Variants in ARHGEF10 observed in about 807,000 individuals in gnomAD.
ARHGEF10 encodes Rho guanine nucleotide exchange factor 10, also known as Rho guanine nucleotide exchange factor (GEF) 10.
A neutral mutation model predicts 147.4 loss-of-function variants in ARHGEF10; 140 were observed. The observed-to-expected ratio is 0.95, with a 90% confidence interval of 0.83 to 1.09. ARHGEF10 has a LOEUF of 1.09. Ranked by LOEUF, ARHGEF10 falls within the 50% of genes least tolerant of loss-of-function variation. The pLI is 0.00. For synonymous variants in ARHGEF10, 902 were observed against 695.8 expected (o/e 1.30, Z -4.67); for missense variants, 2,222 against 1,752.7 (o/e 1.27, Z -4.78).
intron 16 of ARHGEF10, among the ~76,000 whole-genome samples, chr8:1,905,021 C>G (rs1489774615): frequency 1.3e-5 from 2 of 152,072 alleles, no homozygotes; most frequent in African/African-American, 2.4e-5. Context: ...CCCAGCTACT[C>G]GAGAGGCTGA....
chr8:1,840,265 T>G (rs1359373342), intron 1 of ARHGEF10, among the ~76,000 whole-genome samples: 176 of 78,326 alleles, frequency 2.2e-3, no homozygotes, highest in Middle Eastern at 0.01. Context: ...CGGTGTGGAA[T>G]CTGTCCGGTG....
intron 8 of ARHGEF10, among the ~76,000 whole-genome samples, chr8:1,879,755 G>A (rs1319387218): frequency 3.3e-5 from 5 of 152,054 alleles, no homozygotes; most frequent in African/African-American, 7.2e-5. Flanking sequence ...GTTTCACCAC[G>A]TTGCCCAGGC....
intron 16 of ARHGEF10, chr8:1,904,190 G>A (rs375016608): frequency 2.6e-5 from 4 of 152,188 alleles, no homozygotes; most frequent in African/African-American, 7.2e-5. Flanking sequence ...CCCAGAAGGC[G>A]GCAGTTCATT....
intron 7 of ARHGEF10, 21 bp from the exon 8 acceptor site, chr8:1,876,550 T>G: frequency 1.9e-6 from 3 of 1,612,848 alleles, no homozygotes; most frequent in Non-Finnish European, 2.5e-6. Context: ...TTTAATTTCA[T>G]TTTGGAATTT....
At chr8:1,913,599 T>C (rs560020835) in intron 18 of ARHGEF10, among the ~76,000 whole-genome samples, 16 of 152,370 alleles carry the variant, frequency 1.1e-4, no homozygotes, top group Middle Eastern at 3.4e-3. Flanking sequence ...GACCAGCATC[T>C]ACCTGGTCCA....
intron 26 of ARHGEF10, among the ~76,000 whole-genome samples, chr8:1,942,451 G>A (rs1406324128): frequency 6.6e-6 from 1 of 151,802 alleles, no homozygotes; most frequent in Non-Finnish European, 1.5e-5. Context: ...AATGTTAGTG[G>A]AGCCAGCACG....
intron 1 of ARHGEF10, among the ~76,000 whole-genome samples, chr8:1,837,572 G>T (rs1291128290): frequency 1.3e-5 from 2 of 152,236 alleles, no homozygotes; most frequent in Non-Finnish European, 2.9e-5. Flanking sequence ...ATTCTCGGAA[G>T]ACACACAAAG....
At chr8:1,827,060 C>A (rs1275983458) in intron 1 of ARHGEF10, among the ~76,000 whole-genome samples, 1 of 152,184 alleles carries the variant, frequency 6.6e-6, no homozygotes, top group Non-Finnish European at 1.5e-5. Context: ...AGCAGGGGTC[C>A]TTGCCTGGGT....
chr8:1,831,885 C>A (rs1189625140), intron 1 of ARHGEF10, among the ~76,000 whole-genome samples: 1 of 152,204 alleles, frequency 6.6e-6, no homozygotes, highest in African/African-American at 2.4e-5. Flanking sequence ...GTCAGGAGTG[C>A]CCTGGAGGGT....
chr8:1,914,436 A>C (rs1156812331), intron 18 of ARHGEF10, among the ~76,000 whole-genome samples: 1 of 152,220 alleles, frequency 6.6e-6, no homozygotes, highest in Non-Finnish European at 1.5e-5. Flanking sequence ...TGCCCGATGC[A>C]CTGCATGGCC....
At chr8:1,878,865 G>T (rs1274904897) in intron 8 of ARHGEF10, among the ~76,000 whole-genome samples, 2 of 152,168 alleles carry the variant, frequency 1.3e-5, no homozygotes, top group South Asian at 2.1e-4. Flanking sequence ...CAGTGGGTTT[G>T]TGGTGCAGAA....
chr8:1,874,546 AATAGGGG>A (rs1807480299), intron 7 of ARHGEF10, among the ~76,000 whole-genome samples: 1 of 152,248 alleles, frequency 6.6e-6, no homozygotes, highest in Non-Finnish European at 1.5e-5. Flanking sequence ...GATGCGAGGA[AATAGGGG>A]ATGGAGTTTC....
chr8:1,886,818 C>A (rs1174983571), intron 11 of ARHGEF10, among the ~76,000 whole-genome samples: 3 of 152,170 alleles, frequency 2.0e-5, no homozygotes, highest in South Asian at 4.1e-4. Context: ...TCCAGCTATG[C>A]GAGGAAGGGG....
chr8:1,926,290 A>C, intron 22 of ARHGEF10, 87 bp from the exon 23 acceptor site: 1 of 1,058,122 alleles, frequency 9.5e-7, no homozygotes, highest in African/African-American at 1.6e-5. Context: ...ATACATTGGA[A>C]GTAAGTCATC....
At chr8:1,845,373 G>T (rs538302443) in intron 2 of ARHGEF10, among the ~76,000 whole-genome samples, 149 of 152,298 alleles carry the variant, frequency 9.8e-4, no homozygotes, top group Middle Eastern at 3.4e-3. Flanking sequence ...GTTTGAAGGG[G>T]TGAGCACCAG....
intron 4 of ARHGEF10, among the ~76,000 whole-genome samples, chr8:1,864,112 C>G (rs549672100): frequency 6.6e-6 from 1 of 152,144 alleles, no homozygotes; most frequent in East Asian, 1.9e-4. Flanking sequence ...CTTTCTAACT[C>G]TAGCCTGATG....
chr8:1,866,403 A>C (rs1806614225), intron 5 of ARHGEF10, 123 bp from the exon 6 acceptor site: 1 of 822,862 alleles, frequency 1.2e-6, no homozygotes, highest in African/African-American at 2.0e-5. Context: ...CTGTATAGTA[A>C]CATATATATA....
chr8:1,823,931 C>G lies in ARHGEF10; in HGVS notation c.-230C>G, dbSNP rs979821344. ...GAGCAGGCCGTCCGGGCGGGAGGGG[C>G]TGGGCGCATCCCTGTAGCCGGCGGG... On this transcript the variant is annotated 5_prime_UTR_variant, in exon 1 of 29. Coordinates refer to ENST00000349830, the MANE Select transcript of ARHGEF10 (RefSeq NM_014629.4). 3 of 150,874 alleles carry G rather than the reference C, an allele frequency of 2.0e-5. No homozygotes were observed. The highest frequency in any genetic ancestry group is 7.3e-5 in the African/African-American group (3 of 40,956). The allele number at this position is 150,874 out of a possible 1,614,324, so 9.3% of individuals were successfully genotyped here.
intron 14 of ARHGEF10, 95 bp from the exon 15 acceptor site, chr8:1,898,338 C>T: frequency 9.2e-7 from 1 of 1,084,824 alleles, no homozygotes; most frequent in East Asian, 2.5e-5. Flanking sequence ...TTTTGACTTT[C>T]CCGAGTGTTC....
Sources: allele counts gnomAD v4.1 joint callset (sites outside exome capture counted in the v4.1 genomes callset), GRCh38; gene constraint gnomAD v4.1.1; transcripts MANE v1.5; gene names NCBI Gene and HGNC (gene_info 2026-07-23, HGNC 2026-07-21).